The following VPS8 variants were observed in gnomAD, a reference collection of about 807,000 sequenced individuals.
VPS8 encodes the protein VPS8 subunit of CORVET complex, also known as vacuolar protein sorting-associated protein 8 homolog.
In VPS8, 129 loss-of-function variants were observed where a neutral mutation model predicts 216.4. The observed-to-expected ratio is 0.60, with a 90% confidence interval of 0.52 to 0.69. The LOEUF is 0.69. Among genes scored for constraint, VPS8 ranks in the 30% least tolerant of loss-of-function variants. VPS8 has a pLI of 0.00. For synonymous variants in VPS8, 571 were observed against 565.4 expected (o/e 1.01, Z -0.14); for missense variants, 1,531 against 1,683.5 (o/e 0.91, Z 1.59).
intron 16 of VPS8, 35 bp downstream of exon 16, chr3:184,863,102 A>C: frequency 1.9e-6 from 3 of 1,600,768 alleles, no homozygotes; most frequent in Non-Finnish European, 2.6e-6. Context: ...ATCCTAGAAA[A>C]TACTTTGATA....
intron 16 of VPS8, among the ~76,000 whole-genome samples, chr3:184,863,548 A>G (rs1726774269): frequency 6.6e-6 from 1 of 152,182 alleles, no homozygotes; most frequent in Admixed American, 6.5e-5. Context: ...CTTTGAGAGA[A>G]AGAAGATATT....
chr3:184,814,041 G>A (rs1715770240), intron 1 of VPS8, among the ~76,000 whole-genome samples: 1 of 152,196 alleles, frequency 6.6e-6, no homozygotes, highest in South Asian at 2.1e-4. Flanking sequence ...ATTATTAAAT[G>A]TGTTCTGTGT....
intron 46 of VPS8, among the ~76,000 whole-genome samples, chr3:185,041,136 C>T (rs1369805144): frequency 1.3e-5 from 2 of 151,408 alleles, no homozygotes; most frequent in East Asian, 3.9e-4. Flanking sequence ...ACCTGGGAGG[C>T]GGAGGTTGCA....
At chr3:184,973,913 A>G (rs1748843526) in intron 40 of VPS8, among the ~76,000 whole-genome samples, 1 of 152,090 alleles carries the variant, frequency 6.6e-6, no homozygotes, top group Admixed American at 6.6e-5. Flanking sequence ...TCTATTGTAT[A>G]TATTTACTAC....
intron 25 of VPS8, among the ~76,000 whole-genome samples, chr3:184,905,978 G>A (rs1453237917): frequency 1.3e-5 from 2 of 152,160 alleles, no homozygotes; most frequent in African/African-American, 4.8e-5. Context: ...CACAATATAT[G>A]TATCAGAAGC....
intron 42 of VPS8, among the ~76,000 whole-genome samples, chr3:184,984,376 C>T (rs1262278540): frequency 6.7e-6 from 1 of 149,446 alleles, no homozygotes. Flanking sequence ...TCACCGCAAC[C>T]TCCGCCTCCT....
intron 10 of VPS8, among the ~76,000 whole-genome samples, chr3:184,852,105 T>G (rs1478585319): frequency 1.3e-5 from 2 of 152,214 alleles, no homozygotes; most frequent in African/African-American, 4.8e-5. Context: ...ATACCAAGTA[T>G]TTTTTAGAGT....
At chr3:184,976,671 T>C (rs1749319047) in intron 40 of VPS8, among the ~76,000 whole-genome samples, 1 of 152,166 alleles carries the variant, frequency 6.6e-6, no homozygotes. Flanking sequence ...TTTATGACCA[T>C]ATGCCCAATG....
intron 42 of VPS8, among the ~76,000 whole-genome samples, chr3:184,989,789 C>T (rs1751623199): frequency 6.6e-6 from 1 of 152,048 alleles, no homozygotes; most frequent in African/African-American, 2.4e-5. Context: ...AGTGTTCCCT[C>T]AGCCGGGATG....
At chr3:184,848,203 G>A (rs916508174) in intron 8 of VPS8, among the ~76,000 whole-genome samples, 3 of 152,148 alleles carry the variant, frequency 2.0e-5, no homozygotes, top group Middle Eastern at 3.4e-3. Flanking sequence ...GTGAGCCACC[G>A]TGCCTAGCCA....
chr3:185,042,534 C>T (rs1711898905), intron 46 of VPS8, among the ~76,000 whole-genome samples: 1 of 152,194 alleles, frequency 6.6e-6, no homozygotes, highest in Non-Finnish European at 1.5e-5. Context: ...TTGTAATGGT[C>T]CTGCTCTCTG....
At chr3:185,038,511 T>C (rs1759205509) in intron 46 of VPS8, among the ~76,000 whole-genome samples, 1 of 152,246 alleles carries the variant, frequency 6.6e-6, no homozygotes, top group South Asian at 2.1e-4. Context: ...GCCTGTAGTC[T>C]AGGTTGTATT....
rs1383164299 is a variant in VPS8, at chr3:184,893,080, G to A, written c.1782-1623G>A. On this transcript the variant is annotated intron_variant, in intron 22 of 47. Transcript: ENST00000625842. ...AATATTTTGATAAATATGAAATGGA[G>A]GGGAAAAATGATGTAAAATTACATT... is the stretch of plus-strand genomic sequence containing the variant. 3.3e-5 allele frequency among the ~76,000 whole-genome samples: 5 copies of A among 152,246 alleles called. No homozygotes were observed. In the East Asian group the frequency reaches 9.6e-4, roughly 29 times the overall value.
At chr3:185,041,212 A>G (rs1711546931) in intron 46 of VPS8, among the ~76,000 whole-genome samples, 1 of 148,718 alleles carries the variant, frequency 6.7e-6, no homozygotes, top group African/African-American at 2.5e-5. Flanking sequence ...TCTCAAAGGA[A>G]AAAAAAAAAA....
rs1237879313 is a variant in VPS8 at position 184,916,132 on chromosome 3, T to C, written c.2382+658T>C. On this transcript the variant is annotated intron_variant, in intron 28 of 47. Coordinates refer to ENST00000625842, the MANE Select transcript of VPS8 (RefSeq NM_001009921.3). The stretch of plus-strand genomic sequence containing the variant: ...GATGCTGAAGGAGATGCGGTAGTGA[T>C]GATAGTAAAAATAGCTGGAGTCGAA... 2.6e-5 allele frequency among the ~76,000 whole-genome samples: 4 copies of C among 152,142 alleles called. No homozygotes were observed. In the East Asian group the frequency reaches 7.7e-4, roughly 29 times the overall value.
At chr3:184,991,851 G>C (rs1469809010) in intron 42 of VPS8, among the ~76,000 whole-genome samples, 1 of 152,120 alleles carries the variant, frequency 6.6e-6, no homozygotes, top group Non-Finnish European at 1.5e-5. Flanking sequence ...TCTGTATCTT[G>C]CCTTTTGGAA....
intron 26 of VPS8, 147 bp from the exon 27 acceptor site, chr3:184,914,834 A>T: frequency 1.3e-6 from 1 of 746,538 alleles, no homozygotes; most frequent in Non-Finnish European, 2.3e-6. Context: ...TGTCATCTTG[A>T]CCTGCTTTGG....
At position 184,863,064 on chromosome 3, in the gene VPS8, A is replaced by G; in HGVS notation, c.1392A>G (p.Ala464=). The change falls in exon 16 of 48, where the codon GCA becomes GCG. Residue 464 remains alanine, a synonymous_variant. Coordinates refer to ENST00000625842, the MANE Select transcript of VPS8 (RefSeq NM_001009921.3). ...SLATGGNVSQ[A]LALVGEKACY... The stretch of plus-strand genomic sequence containing the variant: ...CCACTGGAGGAAATGTTAGCCAGGC[A>G]CTGGTAAGGATAATCACTTATCTTG... 6.2e-7 allele frequency: 1 copy of G among 1,613,798 alleles called. No homozygotes were observed. The highest frequency in any genetic ancestry group is 8.5e-7 in the Non-Finnish European group (1 of 1,179,744).
chr3:184,839,655 TTAATG>T (rs1721749267), intron 6 of VPS8, 38 bp from the exon 7 acceptor site: 1 of 1,551,692 alleles, frequency 6.4e-7, no homozygotes. Context: ...TTCAAGATTC[TTAATG>T]TAATGTCTTA....
Sources: allele counts gnomAD v4.1 joint callset (sites outside exome capture counted in the v4.1 genomes callset), GRCh38; gene constraint gnomAD v4.1.1; transcripts MANE v1.5; gene names NCBI Gene and HGNC (gene_info 2026-07-23, HGNC 2026-07-21).